The following PGPEP1L variants were observed in gnomAD, a reference collection of about 807,000 sequenced individuals.
The protein encoded by PGPEP1L is pyroglutamyl-peptidase I like, also known as pyroglutamyl-peptidase 1-like protein.
A neutral mutation model predicts 6.0 loss-of-function variants in PGPEP1L; 7 were observed. That is an observed-to-expected ratio of 1.17 (90% CI 0.66 to 2.19). PGPEP1L has a LOEUF of 2.19. Among genes scored for constraint, PGPEP1L ranks in the 30% most tolerant of loss-of-function variants. PGPEP1L has a pLI of 0.00. For missense variants in PGPEP1L, 209 were observed against 192.5 expected (o/e 1.09, Z -0.51); for synonymous variants, 103 against 83.9 (o/e 1.23, Z -1.24).
intron 3 of PGPEP1L, among the ~76,000 whole-genome samples, chr15:98,970,602 T>A (rs1198736167): frequency 6.6e-6 from 1 of 152,136 alleles, no homozygotes. Context: ...TATGTCCAGA[T>A]AAAATGGGCT....
At chr15:98,979,642 T>G (rs1342451960) in intron 2 of PGPEP1L, among the ~76,000 whole-genome samples, 3 of 28,428 alleles carry the variant, frequency 1.1e-4, no homozygotes, top group African/African-American at 3.4e-4. Context: ...TCTTTTTTTT[T>G]TTTTTTTTTT....
chr15:98,992,756 C>G (rs1555472182), intron 2 of PGPEP1L, among the ~76,000 whole-genome samples: 1 of 152,122 alleles, frequency 6.6e-6, no homozygotes, highest in East Asian at 1.9e-4. Flanking sequence ...GATATATAAA[C>G]CAATGGAACA....
In PGPEP1L at chr15:98,981,673, G is replaced by A. The variant is rs950104788; in HGVS notation, c.-141-10515C>T. 7.9e-5 allele frequency among the ~76,000 whole-genome samples: 12 copies of A among 152,124 alleles called. No homozygotes were observed. The East Asian group carries it at 2.1e-3, about 27-fold the overall frequency. ...ACTGAGGGAACCCAAATAGACTATGGACTTTATGTAAAGGTAATATATTCC... is the reference window on the plus strand; with the variant it reads ...ACTGAGGGAACCCAAATAGACTATGAACTTTATGTAAAGGTAATATATTCC... On this transcript the variant is annotated intron_variant, in intron 2 of 4. Coordinates refer to ENST00000535714, the MANE Select transcript of PGPEP1L (RefSeq NM_001167902.2).
chr15:98,989,841 A>G (rs1168114545), intron 2 of PGPEP1L, among the ~76,000 whole-genome samples: 2 of 152,172 alleles, frequency 1.3e-5, no homozygotes, highest in East Asian at 3.8e-4. Flanking sequence ...ATTCTTAAAG[A>G]AAAGAATTTT....
intron 2 of PGPEP1L, among the ~76,000 whole-genome samples, chr15:99,003,887 A>T (rs1444547729): frequency 2.0e-5 from 3 of 147,930 alleles, no homozygotes; most frequent in Admixed American, 1.3e-4. Flanking sequence ...TAGGAATTCA[A>T]GAGTAATTTG....
At chr15:98,977,996 AAT>A (rs1425576527) in intron 2 of PGPEP1L, among the ~76,000 whole-genome samples, 5 of 152,156 alleles carry the variant, frequency 3.3e-5, no homozygotes, top group Admixed American at 2.0e-4. Flanking sequence ...AAAGGTCAGG[AAT>A]AGTCTTACAA....
In PGPEP1L at chr15:98,968,308, T is replaced by C. The variant is rs2017432592; in HGVS notation, c.*170A>G. 3.1e-6 allele frequency: 2 copies of C among 650,658 alleles called. No individual in the cohort carries two copies. Among genetic ancestry groups the C allele is most frequent in the Admixed American group, 2.8e-5 (1 of 35,442 alleles). The allele number at this position is 650,658 out of a possible 1,614,324, so 40.3% of individuals were successfully genotyped here. A position where few individuals can be genotyped will look rare whatever the true frequency, so the allele number is the denominator to read the frequency against. On this transcript the variant is annotated 3_prime_UTR_variant, in exon 5 of 5. Coordinates refer to ENST00000535714, the MANE Select transcript of PGPEP1L (RefSeq NM_001167902.2). ...CCTGTGAAATGTCCACCTTTCAGAG[T>C]GTTCTTTCTCCTGACAATAAAATAA...
intron 4 of PGPEP1L, among the ~76,000 whole-genome samples, chr15:98,969,002 T>C (rs1166578793): frequency 6.6e-6 from 1 of 152,212 alleles, no homozygotes; most frequent in Non-Finnish European, 1.5e-5. Context: ...TACTCATTCA[T>C]TCACTGGGGA....
intron 2 of PGPEP1L, among the ~76,000 whole-genome samples, chr15:98,987,434 ACAC>A (rs1465909850): frequency 1.3e-5 from 2 of 151,440 alleles, no homozygotes; most frequent in African/African-American, 4.8e-5. Context: ...GATAGACGCA[ACAC>A]CACCAAGCTT....
chr15:99,004,864 G>A (rs1164525901), intron 2 of PGPEP1L, among the ~76,000 whole-genome samples: 17 of 152,138 alleles, frequency 1.1e-4, no homozygotes, highest in Middle Eastern at 3.4e-3. Context: ...TTCCTTCCAA[G>A]TTGACCTTCT....
At chr15:98,995,535 TA>T (rs1266120337) in intron 2 of PGPEP1L, among the ~76,000 whole-genome samples, 1 of 152,062 alleles carries the variant, frequency 6.6e-6, no homozygotes, top group Non-Finnish European at 1.5e-5. Flanking sequence ...CCATCTCTAC[TA>T]AAAATATAAA....
At chr15:99,003,865 G>C (rs2018009552) in intron 2 of PGPEP1L, among the ~76,000 whole-genome samples, 1 of 147,536 alleles carries the variant, frequency 6.8e-6, no homozygotes, top group Non-Finnish European at 1.5e-5. Context: ...ATGCATTAGA[G>C]TACAGTTTCC....
intron 1 of PGPEP1L, among the ~76,000 whole-genome samples, 163 bp downstream of exon 1, chr15:99,007,196 C>T (rs2018085719): frequency 1.3e-5 from 2 of 152,226 alleles, no homozygotes; most frequent in Non-Finnish European, 2.9e-5. Context: ...CACTCCCTGT[C>T]CTGAGAAGCT....
At position 98,969,310 on chromosome 15, in the gene PGPEP1L, G is replaced by A. The variant is rs958073780; in HGVS notation, c.209+115C>T. ...AGAGGGGCAATCTGGGGGCGGCACC[G>A]CATGGCCAAGTGGCCAGCTGGACGA... is the stretch of plus-strand genomic sequence containing the variant. On this transcript the variant is annotated intron_variant, in intron 4 of 4. Coordinates refer to ENST00000535714, the MANE Select transcript of PGPEP1L (RefSeq NM_001167902.2). 77 of 1,320,936 alleles carry A rather than the reference G, an allele frequency of 5.8e-5. No homozygotes were observed. The African/African-American group carries it at 7.9e-4, about 14-fold the overall frequency. 81.8% of individuals were successfully genotyped at this position (1,320,936 alleles called of 1,614,324 possible).
In PGPEP1L at chr15:98,968,573, T is replaced by TG; in HGVS notation, c.333dup (p.Ile112HisfsTer39). The TG allele has an allele frequency of 6.3e-7, 1 of 1,579,658 alleles. No homozygotes were observed. The highest frequency in any genetic ancestry group is 8.6e-7 in the Non-Finnish European group (1 of 1,160,930). ...ACCTCTTCCAGCATTTCCTGGATGA[T>TG]GACTCTCAAGGCTCTTCCCAGCAGG... On this transcript the variant is annotated frameshift_variant, in exon 5 of 5. Coordinates refer to ENST00000535714, the MANE Select transcript of PGPEP1L (RefSeq NM_001167902.2). LOFTEE classifies it low-confidence loss of function (END_TRUNC).
At chr15:98,968,809 A>ACC in intron 4 of PGPEP1L, 112 bp from the exon 5 acceptor site, 1 of 937,340 alleles carries the variant, frequency 1.1e-6, no homozygotes, top group Non-Finnish European at 1.6e-6. Flanking sequence ...GAGCACTGCC[A>ACC]CCCAAGGGAG....
At chr15:99,004,742 C>A (rs372640876) in intron 2 of PGPEP1L, among the ~76,000 whole-genome samples, 1 of 151,902 alleles carries the variant, frequency 6.6e-6, no homozygotes, top group African/African-American at 2.4e-5. Context: ...AAAATAAAGA[C>A]CTTTGTGAAG....
chr15:99,000,766 A>G (rs1459262088), intron 2 of PGPEP1L, among the ~76,000 whole-genome samples: 1 of 152,128 alleles, frequency 6.6e-6, no homozygotes, highest in Non-Finnish European at 1.5e-5. Context: ...TTCTCTGTAA[A>G]ATGGACCAAT....
chr15:98,998,081 C>A (rs968811398), intron 2 of PGPEP1L: 1 of 152,632 alleles, frequency 6.6e-6, no homozygotes, highest in East Asian at 1.9e-4. Context: ...GGGCGCTGAG[C>A]TCCTGGGTCT....
Sources: gnomAD v4.1 joint callset for allele counts (sites outside exome capture counted in the v4.1 genomes callset) on GRCh38, gnomAD v4.1.1 for gene constraint, MANE v1.5 for transcripts, NCBI Gene and HGNC (gene_info 2026-07-23, HGNC 2026-07-21) for gene names.